CREB5: variants seen among roughly 807,000 people sequenced by gnomAD.
The protein encoded by CREB5 is cAMP responsive element binding protein 5, also known as cyclic AMP-responsive element-binding protein 5.
CREB5 carries 19 observed loss-of-function variants against 57.1 expected under a neutral mutation model. The ratio of observed to expected loss-of-function variants is 0.33; its 90% CI spans 0.23 to 0.49. The LOEUF (loss-of-function observed/expected upper bound fraction) is 0.49. Among genes scored for constraint, CREB5 ranks in the 20% least tolerant of loss-of-function variants. The pLI, the probability that CREB5 is intolerant of heterozygous loss-of-function variation, is 0.99. For missense variants in CREB5, 579 were observed against 671.6 expected, an observed-to-expected ratio of 0.86 and a Z score of 1.52; for synonymous variants, 238 against 238.3, an observed-to-expected ratio of 1.00 and a Z score of 0.01.
chr7:28,709,643 T>C (rs1246936851), intron 5 of CREB5, among the ~76,000 whole-genome samples: 1 of 152,064 alleles, frequency 6.6e-6, no homozygotes, highest in South Asian at 2.1e-4. Context: ...AGCTGTATTA[T>C]GTTTTATTAC....
At chr7:28,531,046 G>T (rs1418290413) in intron 4 of CREB5, among the ~76,000 whole-genome samples, 7 of 151,240 alleles carry the variant, frequency 4.6e-5, no homozygotes, top group South Asian at 2.1e-4. Flanking sequence ...GTCAAATGTT[G>T]TTTTTTTTTC....
chr7:28,718,865 G>T lies in CREB5; in HGVS notation c.577G>T (p.Ala193Ser), dbSNP rs774789053. ...LPNPTMPGSS[A>S]VLMPMERQMS... The stretch of plus-strand genomic sequence containing the variant: ...CAACCCTACAATGCCAGGATCTTCC[G>T]CCGTCTTGATGCCAGTAAGTGTTTC... The change falls in exon 6 of 11, where the codon GCC becomes TCC. Residue 193 changes from alanine to serine, a missense_variant. Transcript: ENST00000357727. The T allele has an allele frequency of 1.2e-6, 2 of 1,613,890 alleles. No homozygotes were observed.
chr7:28,780,030 A>G (rs1238618038), intron 7 of CREB5, among the ~76,000 whole-genome samples: 1 of 152,100 alleles, frequency 6.6e-6, no homozygotes, highest in Non-Finnish European at 1.5e-5. Flanking sequence ...CAGCCTCCCA[A>G]AATGTTGGGA....
intron 1 of CREB5, among the ~76,000 whole-genome samples, chr7:28,369,883 A>G (rs900662091): frequency 6.6e-6 from 1 of 152,158 alleles, no homozygotes; most frequent in Admixed American, 6.5e-5. Flanking sequence ...CAATGCTTCA[A>G]TAAATCATGG....
intron 7 of CREB5, among the ~76,000 whole-genome samples, chr7:28,776,127 G>A (rs1208260481): frequency 6.6e-6 from 1 of 151,962 alleles, no homozygotes; most frequent in Non-Finnish European, 1.5e-5. Flanking sequence ...CATGAGGTCA[G>A]GAGATCGAGA....
intron 5 of CREB5, among the ~76,000 whole-genome samples, chr7:28,652,305 C>T (rs1799161744): frequency 6.6e-6 from 1 of 152,112 alleles, no homozygotes; most frequent in Non-Finnish European, 1.5e-5. Flanking sequence ...GTGAAAGCTC[C>T]TATTTTCAAA....
chr7:28,662,431 C>G (rs192123652), intron 5 of CREB5, among the ~76,000 whole-genome samples: 1 of 152,164 alleles, frequency 6.6e-6, no homozygotes, highest in Admixed American at 6.5e-5. Context: ...GGGTTAAGTG[C>G]GCTCTCGTGC....
intron 7 of CREB5, among the ~76,000 whole-genome samples, chr7:28,790,855 G>A (rs915159946): frequency 5.3e-5 from 8 of 152,192 alleles, no homozygotes; most frequent in Admixed American, 1.3e-4. Context: ...ACAGAAATGG[G>A]AGAACTACCC....
At chr7:28,674,174 A>G (rs1800208436) in intron 5 of CREB5, among the ~76,000 whole-genome samples, 1 of 152,036 alleles carries the variant, frequency 6.6e-6, no homozygotes, top group Non-Finnish European at 1.5e-5. Context: ...TTTCTGCATT[A>G]CAAGAGTCCC....
At chr7:28,707,953 G>A (rs1020882948) in intron 5 of CREB5, among the ~76,000 whole-genome samples, 10 of 152,012 alleles carry the variant, frequency 6.6e-5, no homozygotes, top group African/African-American at 2.4e-4. Context: ...CTTCCCTTCC[G>A]GCTTTTTAGT....
intron 1 of CREB5, among the ~76,000 whole-genome samples, chr7:28,355,425 A>G (rs1786320564): frequency 6.6e-6 from 1 of 152,214 alleles, no homozygotes; most frequent in South Asian, 2.1e-4. Flanking sequence ...TTTTTTTATT[A>G]CATGATTTCT....
At chr7:28,651,090 A>AT (rs956283536) in intron 5 of CREB5, among the ~76,000 whole-genome samples, 2,171 of 150,118 alleles carry the variant, frequency 0.014, 27 homozygotes, top group Non-Finnish European at 0.024. Context: ...TGTTTTTACT[A>AT]TTTTTTTTTT....
At chr7:28,730,863 T>C (rs914868675) in intron 7 of CREB5, among the ~76,000 whole-genome samples, 3 of 152,214 alleles carry the variant, frequency 2.0e-5, no homozygotes, top group African/African-American at 7.2e-5. Context: ...CCTGTTTCTA[T>C]TATATCATGC....
chr7:28,607,912 TTC>T lies in CREB5; in HGVS notation c.464+37379_464+37380del, dbSNP rs576489142. 3.8e-3 allele frequency among the ~76,000 whole-genome samples: 575 copies of T among 152,102 alleles called. 2 individuals are homozygous for T. Among genetic ancestry groups the T allele is most frequent in the African/African-American group, 0.013 (541 of 41,488 alleles). ...AGAATTTCTCTTCCTCCCTCTGGCT[TTC>T]TCTGTTTTCCTCCAGACTTTGCCCT... On this transcript the variant is annotated intron_variant, in intron 5 of 10. Transcript: ENST00000357727.
chr7:28,355,521 C>T (rs2127991254), intron 1 of CREB5, among the ~76,000 whole-genome samples: 1 of 152,154 alleles, frequency 6.6e-6, no homozygotes, highest in South Asian at 2.1e-4. Context: ...GAAGAGTGTC[C>T]TAAAGAAAAG....
chr7:28,407,518 CTTCTT>C (rs2128000761), upstream of CREB5, among the ~76,000 whole-genome samples: 1 of 152,326 alleles, frequency 6.6e-6, no homozygotes, highest in African/African-American at 2.4e-5. Context: ...ATAAATACCT[CTTCTT>C]TTCTTCAGTT....
At chr7:28,818,787 C>T (rs1244161186) in intron 10 of CREB5, 6 of 481,732 alleles carry the variant, frequency 1.2e-5, no homozygotes, top group Non-Finnish European at 2.0e-5. Context: ...TCTCCCACCA[C>T]ATGTGAGTAT....
chr7:28,712,524 T>TTTATTATTATTATTATTATTATTA (rs752228734), intron 5 of CREB5, among the ~76,000 whole-genome samples: 5,957 of 135,156 alleles, frequency 0.044, 200 homozygotes, highest in South Asian at 0.062. Context: ...AAAAAGAGAA[T>TTTATTATTATTATTATTATTATTA]TTATTATTAT....
At chr7:28,446,212 C>T (rs952761074) in intron 1 of CREB5, among the ~76,000 whole-genome samples, 1 of 151,948 alleles carries the variant, frequency 6.6e-6, no homozygotes, top group Non-Finnish European at 1.5e-5. Flanking sequence ...CCCAGCCGCC[C>T]CTCCCCTCCC....
Sources: allele counts gnomAD v4.1 joint callset (sites outside exome capture counted in the v4.1 genomes callset), GRCh38; gene constraint gnomAD v4.1.1; transcripts MANE v1.5; gene names NCBI Gene and HGNC (gene_info 2026-07-23, HGNC 2026-07-21).